MYT1: variants seen among roughly 807,000 people sequenced by gnomAD.
MYT1 encodes the protein myelin transcription factor 1.
In MYT1, 23 loss-of-function variants were observed where a neutral mutation model predicts 123.0. That is an observed-to-expected ratio of 0.19 (90% CI 0.13 to 0.26). MYT1 has a LOEUF of 0.26. Ranked by LOEUF, MYT1 falls within the 10% of genes least tolerant of loss-of-function variation. The probability of loss-of-function intolerance (pLI) is 1.00; values close to 1 mark genes in which losing one functional copy is unlikely to be tolerated. For synonymous variants in MYT1, 518 were observed against 575.3 expected (o/e 0.90, Z 1.43); for missense variants, 1,125 against 1,472.5 (o/e 0.76, Z 3.86).
At chr20:64,165,292 G>A (rs1461016369) in intron 1 of MYT1, among the ~76,000 whole-genome samples, 1 of 152,170 alleles carries the variant, frequency 6.6e-6, no homozygotes, top group Non-Finnish European at 1.5e-5. Context: ...TATCTAGGGT[G>A]CATGCGTCTG....
chr20:64,183,502 GT>G (rs1982710877), intron 1 of MYT1, among the ~76,000 whole-genome samples: 1 of 152,162 alleles, frequency 6.6e-6, no homozygotes, highest in African/African-American at 2.4e-5. Context: ...TTCTATGAGG[GT>G]TCTTGCCAAC....
At chr20:64,195,455 G>C (rs1983090516) in intron 2 of MYT1, among the ~76,000 whole-genome samples, 1 of 145,836 alleles carries the variant, frequency 6.9e-6, no homozygotes, top group Non-Finnish European at 1.5e-5. Context: ...GAGTGCAGTG[G>C]TGCAATCTCA....
chr20:64,200,581 G>A (rs541436646), intron 4 of MYT1, among the ~76,000 whole-genome samples: 5 of 152,176 alleles, frequency 3.3e-5, no homozygotes, highest in Non-Finnish European at 5.9e-5. Flanking sequence ...TTGAGGCCCC[G>A]TAACTTGGAG....
chr20:64,170,933 A>AGAGG (rs1569303924), intron 1 of MYT1, among the ~76,000 whole-genome samples: 4 of 129,796 alleles, frequency 3.1e-5, no homozygotes, highest in African/African-American at 1.2e-4. Context: ...AGAGAGAGAG[A>AGAGG]GACGGAGTCT....
chr20:64,195,614 A>G (rs1983096712), intron 2 of MYT1, among the ~76,000 whole-genome samples: 1 of 151,386 alleles, frequency 6.6e-6, no homozygotes. Flanking sequence ...CAGGCTTGTC[A>G]TGAACTCCTG....
At chr20:64,181,629 C>G (rs1982654278) in intron 1 of MYT1, among the ~76,000 whole-genome samples, 1 of 152,172 alleles carries the variant, frequency 6.6e-6, no homozygotes, top group South Asian at 2.1e-4. Flanking sequence ...TGTCCTTGTT[C>G]CTGCTCTAAC....
At chr20:64,198,540 G>A (rs2145709060) in intron 2 of MYT1, among the ~76,000 whole-genome samples, 1 of 152,302 alleles carries the variant, frequency 6.6e-6, no homozygotes, top group Non-Finnish European at 1.5e-5. Flanking sequence ...TCAGGCTTCA[G>A]TGGCGCAGGG....
intron 1 of MYT1, among the ~76,000 whole-genome samples, chr20:64,170,419 C>G (rs1490433062): frequency 6.6e-6 from 1 of 152,104 alleles, no homozygotes; most frequent in East Asian, 1.9e-4. Flanking sequence ...GCTGCTGGAC[C>G]CAATGGGGCA....
intron 2 of MYT1, among the ~76,000 whole-genome samples, chr20:64,198,286 C>CAAAA (rs34822167): frequency 4.2e-4 from 10 of 23,802 alleles, no homozygotes; most frequent in Admixed American, 6.4e-4. Context: ...GACTCCGTCT[C>CAAAA]AAAAAAAAAA....
At position 64,218,110 on chromosome 20, in the gene MYT1, C is replaced by T. The variant is rs1983894848; in HGVS notation, c.1847-801C>T. 6.6e-6 allele frequency among the ~76,000 whole-genome samples: 1 copy of T among 152,188 alleles called. No homozygotes were observed. On this transcript the variant is annotated intron_variant, in intron 11 of 22. Transcript: ENST00000328439. This position sits in a 1 kb window ranked among gnomAD's most constrained non-coding sequence, Gnocchi z 4.0. ...TGCCAGTGGGGTGTGAGCCTCTCTT[C>T]CTAACTTTGACAGAACCTGCTCTTT...
Position 64,190,805 on chromosome 20 carries a change from C to T in MYT1, c.-1+645C>T, listed in dbSNP as rs1982946499. Among the ~76,000 whole-genome samples the T allele has an allele frequency of 6.6e-6, 1 of 151,670 alleles. No homozygotes were observed. Among genetic ancestry groups the T allele is most frequent in the Non-Finnish European group, 1.5e-5 (1 of 67,954 alleles). On this transcript the variant is annotated intron_variant, in intron 2 of 22. Coordinates refer to ENST00000328439, the MANE Select transcript of MYT1 (RefSeq NM_004535.3). This position sits in a 1 kb window ranked among gnomAD's most constrained non-coding sequence, Gnocchi z 4.1. ...CCAACATGGTGAAACCCCGTCTTTA[C>T]TAAAAACACAAAAATTAGCCGGGCA...
Position 64,167,738 on chromosome 20 carries a change from C to T in MYT1, c.-99+2999C>T, listed in dbSNP as rs1601695167. On this transcript the variant is annotated intron_variant, in intron 1 of 22. Coordinates refer to ENST00000328439, the MANE Select transcript of MYT1 (RefSeq NM_004535.3). This position sits in a 1 kb window ranked among gnomAD's most constrained non-coding sequence, Gnocchi z 6.3. ...GGGGCTCTTCTCTTTCTTCCTCTCT[C>T]CCATCTTCCTCATCTTAGATCCTCC... Among the ~76,000 whole-genome samples, 2 of 152,190 alleles carry T rather than the reference C, an allele frequency of 1.3e-5. No individual in the cohort carries two copies. Among genetic ancestry groups the T allele is most frequent in the East Asian group, 3.8e-4 (2 of 5,202 alleles).
intron 21 of MYT1, 124 bp from the exon 22 acceptor site, chr20:64,239,636 C>T: frequency 7.1e-7 from 1 of 1,413,468 alleles, no homozygotes; most frequent in Non-Finnish European, 9.6e-7. Flanking sequence ...GGCAGGGTCC[C>T]TGCCTCTTCC....
At chr20:64,198,028 G>A (rs1384642336) in intron 2 of MYT1, among the ~76,000 whole-genome samples, 1 of 152,176 alleles carries the variant, frequency 6.6e-6, no homozygotes, top group African/African-American at 2.4e-5. Flanking sequence ...GCTCACGCCT[G>A]TAATCCCAGC....
Position 64,167,088 on chromosome 20 carries a change from G to A in MYT1, c.-99+2349G>A, listed in dbSNP as rs1340026903. Among the ~76,000 whole-genome samples the A allele has an allele frequency of 6.6e-6, 1 of 152,194 alleles. No individual in the cohort carries two copies. The highest frequency in any genetic ancestry group is 1.5e-5 in the Non-Finnish European group (1 of 68,038). On this transcript the variant is annotated intron_variant, in intron 1 of 22. Coordinates refer to ENST00000328439, the MANE Select transcript of MYT1 (RefSeq NM_004535.3). The surrounding 1 kb of genome is among the most constrained non-coding windows in gnomAD (Gnocchi z 6.3). ...GGAGACCCACACCACTCTGCACTGG[G>A]GAGACAGGGGTCAGAGCCTGACTAA... is the stretch of plus-strand genomic sequence containing the variant.
intron 16 of MYT1, among the ~76,000 whole-genome samples, 191 bp downstream of exon 16, chr20:64,223,550 G>A (rs1337828425): frequency 2.0e-5 from 3 of 152,082 alleles, no homozygotes; most frequent in South Asian, 4.1e-4. Flanking sequence ...CTCTGCCTGT[G>A]TGCACCTGCT....
chr20:64,177,630 C>T (rs1050814064), intron 1 of MYT1, among the ~76,000 whole-genome samples: 26 of 139,440 alleles, frequency 1.9e-4, no homozygotes, highest in African/African-American at 4.5e-4. Context: ...TCTCCGGGGG[C>T]GGGGACAAGA....
At chr20:64,195,996 T>C (rs16984245) in intron 2 of MYT1, among the ~76,000 whole-genome samples, 2,132 of 152,308 alleles carry the variant, frequency 0.014, 65 homozygotes, top group African/African-American at 0.049. Flanking sequence ...AGAATGAAGC[T>C]GGCATTTGGA....
intron 1 of MYT1, among the ~76,000 whole-genome samples, chr20:64,188,066 A>G (rs185766130): frequency 6.6e-6 from 1 of 152,212 alleles, no homozygotes; most frequent in African/African-American, 2.4e-5. Flanking sequence ...ACCTAGGGAC[A>G]GGAGTGTAAG....
Sources: allele counts gnomAD v4.1 joint callset (sites outside exome capture counted in the v4.1 genomes callset), GRCh38; gene constraint gnomAD v4.1.1; non-coding constraint Gnocchi (gnomAD v3.1); transcripts MANE v1.5; gene names NCBI Gene and HGNC (gene_info 2026-07-23, HGNC 2026-07-21).